CACNA1D: variants seen among roughly 807,000 people sequenced by gnomAD.
The protein encoded by CACNA1D is calcium voltage-gated channel subunit alpha1 D, also known as voltage-dependent L-type calcium channel subunit alpha-1D.
CACNA1D carries 55 observed loss-of-function variants against 257.1 expected under a neutral mutation model. The ratio of observed to expected loss-of-function variants is 0.21; its 90% CI spans 0.17 to 0.27. The LOEUF (loss-of-function observed/expected upper bound fraction) is 0.27. CACNA1D is among the 10% of genes least tolerant of loss of function. The probability of loss-of-function intolerance (pLI) is 1.00; values close to 1 mark genes in which losing one functional copy is unlikely to be tolerated. For missense variants in CACNA1D, 1,876 were observed against 2,784.0 expected, an observed-to-expected ratio of 0.67 and a Z score of 7.34; for synonymous variants, 980 against 1,014.9, an observed-to-expected ratio of 0.97 and a Z score of 0.65.
In CACNA1D at chr3:53,530,116, A is replaced by G. The variant is rs369283630; in HGVS notation, c.483+28396A>G. Reference sequence around the variant, plus strand: ...AAGACTTCTGTTTAAAAGAAGGGTTATAAATTCAGTGTAACTCAGAGCAGA... The same window carrying G: ...AAGACTTCTGTTTAAAAGAAGGGTTGTAAATTCAGTGTAACTCAGAGCAGA... On this transcript the variant is annotated intron_variant, in intron 3 of 47. Transcript: ENST00000350061. Among the ~76,000 whole-genome samples, 16 of 152,244 alleles carry G rather than the reference A, an allele frequency of 1.1e-4. No individual in the cohort carries two copies. The East Asian group carries it at 2.7e-3, about 26-fold the overall frequency.
intron 8 of CACNA1D, among the ~76,000 whole-genome samples, chr3:53,680,509 G>A (rs2094419942): frequency 6.6e-6 from 1 of 152,166 alleles, no homozygotes; most frequent in Non-Finnish European, 1.5e-5. Flanking sequence ...GGTTGTTGAT[G>A]TGCAGGTTAG....
At position 53,594,794 on chromosome 3, in the gene CACNA1D, A is replaced by G. The variant is rs113118571; in HGVS notation, c.484-55985A>G. On this transcript the variant is annotated intron_variant, in intron 3 of 47. Transcript: ENST00000350061. ...AGTACAATTCCACACCCTTGTGTGTATGTGGCAGCCACTGTCATAGGCATC... is the reference window on the plus strand; with the variant it reads ...AGTACAATTCCACACCCTTGTGTGTGTGTGGCAGCCACTGTCATAGGCATC... 2.0e-3 allele frequency among the ~76,000 whole-genome samples: 302 copies of G among 152,354 alleles called. 3 individuals are homozygous for G. Among genetic ancestry groups the G allele is most frequent in the African/African-American group, 7.0e-3 (293 of 41,580 alleles).
chr3:53,548,395 T>A (rs1559823995), intron 3 of CACNA1D, among the ~76,000 whole-genome samples: 1 of 147,074 alleles, frequency 6.8e-6, no homozygotes, highest in Non-Finnish European at 1.5e-5. Context: ...AAAGAATCCA[T>A]TTTAAAAGGA....
Position 53,539,413 on chromosome 3 carries a change from G to A in CACNA1D, c.483+37693G>A, listed in dbSNP as rs60396765. 0.01 allele frequency among the ~76,000 whole-genome samples: 1,562 copies of A among 152,148 alleles called. 96 individuals are homozygous for A. The South Asian group carries it at 0.16, about 16-fold the overall frequency. Reference sequence around the variant, plus strand: ...ATGAGCCACCGTGCCAAGCCTCCTGGATTCTTTTATATCTTGCTTCTTTCA... The same window carrying A: ...ATGAGCCACCGTGCCAAGCCTCCTGAATTCTTTTATATCTTGCTTCTTTCA... On this transcript the variant is annotated intron_variant, in intron 3 of 47. Transcript: ENST00000350061.
intron 8 of CACNA1D, among the ~76,000 whole-genome samples, chr3:53,694,508 T>C (rs2094556402): frequency 6.6e-6 from 1 of 152,164 alleles, no homozygotes; most frequent in South Asian, 2.1e-4. Context: ...TGGAGCCTGG[T>C]TAGTAACGCT....
chr3:53,794,725 C>T (rs1284844293), intron 40 of CACNA1D, among the ~76,000 whole-genome samples: 1 of 152,212 alleles, frequency 6.6e-6, no homozygotes, highest in African/African-American at 2.4e-5. Context: ...ACAAAGACGC[C>T]AGGGTGATGA....
At chr3:53,733,918 G>C (rs1186526141) in intron 19 of CACNA1D, among the ~76,000 whole-genome samples, 1 of 106,386 alleles carries the variant, frequency 9.4e-6, no homozygotes, top group Non-Finnish European at 2.0e-5. Flanking sequence ...CCCTTTGTGT[G>C]TGTGTGTGTG....
chr3:53,736,344 GA>G (rs546685968), intron 20 of CACNA1D, among the ~76,000 whole-genome samples: 24 of 145,818 alleles, frequency 1.6e-4, no homozygotes, highest in South Asian at 4.4e-4. Context: ...TTGTCTCAAA[GA>G]AAAAAAAAAG....
chr3:53,655,475 A>T (rs182456964), intron 4 of CACNA1D, among the ~76,000 whole-genome samples: 1 of 152,176 alleles, frequency 6.6e-6, no homozygotes, highest in African/African-American at 2.4e-5. Flanking sequence ...CCTCGTCAGC[A>T]TCTGTTATTT....
chr3:53,726,047 T>A (rs1490195139), intron 14 of CACNA1D, among the ~76,000 whole-genome samples: 1 of 152,230 alleles, frequency 6.6e-6, no homozygotes. Context: ...GGTATAATTA[T>A]CCATTTCCAC....
At chr3:53,593,113 G>A (rs546322046) in intron 3 of CACNA1D, among the ~76,000 whole-genome samples, 3 of 152,154 alleles carry the variant, frequency 2.0e-5, no homozygotes, top group Non-Finnish European at 4.4e-5. Flanking sequence ...AGCAGGTGCA[G>A]GATAAATGAA....
chr3:53,586,556 A>G (rs2093221196), intron 3 of CACNA1D, among the ~76,000 whole-genome samples: 1 of 152,168 alleles, frequency 6.6e-6, no homozygotes, highest in South Asian at 2.1e-4. Context: ...CCACAAAAAT[A>G]TTTACAGGGA....
Position 53,535,716 on chromosome 3 carries a change from T to C in CACNA1D, c.483+33996T>C, listed in dbSNP as rs545159397. Among the ~76,000 whole-genome samples the C allele has an allele frequency of 4.1e-3, 630 of 152,362 alleles. 2 individuals carry two copies. Among genetic ancestry groups the C allele is most frequent in the Non-Finnish European group, 7.0e-3 (473 of 68,026 alleles). The stretch of plus-strand genomic sequence containing the variant: ...TGTTTTATCAGCCATAAAACTGAGA[T>C]GAAAGCTGGGGCAGTTATGAAGATC... On this transcript the variant is annotated intron_variant, in intron 3 of 47. Coordinates refer to ENST00000350061, the MANE Select transcript of CACNA1D (RefSeq NM_001128840.3).
chr3:53,581,348 C>G (rs1347751687), intron 3 of CACNA1D, among the ~76,000 whole-genome samples: 1 of 152,120 alleles, frequency 6.6e-6, no homozygotes, highest in African/African-American at 2.4e-5. Flanking sequence ...TAAGTAACAA[C>G]AATTACCTGC....
chr3:53,805,548 G>T (rs1426712555), intron 45 of CACNA1D, among the ~76,000 whole-genome samples: 1 of 152,150 alleles, frequency 6.6e-6, no homozygotes, highest in Non-Finnish European at 1.5e-5. Context: ...GCCCCCAAAG[G>T]GGAAGAGTGG....
chr3:53,677,689 G>A (rs1398090893), intron 8 of CACNA1D, among the ~76,000 whole-genome samples: 1 of 152,220 alleles, frequency 6.6e-6, no homozygotes, highest in Non-Finnish European at 1.5e-5. Flanking sequence ...TGTGTCAGCT[G>A]CAAAGTATTA....
chr3:53,665,616 G>A (rs746696993), intron 5 of CACNA1D, 44 bp from the exon 6 acceptor site: 64 of 1,506,474 alleles, frequency 4.2e-5, no homozygotes, highest in Non-Finnish European at 5.5e-5. Context: ...ATTCATTGGA[G>A]TGCCTTCCTG....
intron 40 of CACNA1D, chr3:53,797,771 C>A (rs1459159455): frequency 1.3e-5 from 2 of 152,196 alleles, no homozygotes. Flanking sequence ...AAATAGTTTT[C>A]TATTTCTTTT....
At chr3:53,785,928 C>T (rs1225924284) in intron 39 of CACNA1D, 1 of 152,356 alleles carries the variant, frequency 6.6e-6, no homozygotes, top group Non-Finnish European at 1.5e-5. Context: ...CCCACATGGC[C>T]CCACACACAT....
Sources: allele counts gnomAD v4.1 joint callset (sites outside exome capture counted in the v4.1 genomes callset), GRCh38; gene constraint gnomAD v4.1.1; transcripts MANE v1.5; gene names NCBI Gene and HGNC (gene_info 2026-07-23, HGNC 2026-07-21).